GADL1: variants seen among roughly 807,000 people sequenced by gnomAD.
GADL1 encodes acidic amino acid decarboxylase GADL1.
Under a neutral mutation model 69.5 loss-of-function variants are expected in GADL1, and 71 were observed. The ratio of observed to expected loss-of-function variants is 1.02; its 90% confidence interval spans 0.84 to 1.25. The LOEUF is 1.25. Ranked by LOEUF, GADL1 falls within the 50% of genes most tolerant of loss-of-function variation. The probability of loss-of-function intolerance (pLI) is 0.00; values close to 1 mark genes in which losing one functional copy is unlikely to be tolerated. For missense variants in GADL1, 737 were observed against 631.8 expected (o/e 1.17, Z -1.79); for synonymous variants, 254 against 214.4 (o/e 1.18, Z -1.62).
intron 14 of GADL1, among the ~76,000 whole-genome samples, chr3:30,756,238 G>GT (rs1435645612): frequency 6.6e-6 from 1 of 152,046 alleles, no homozygotes; most frequent in African/African-American, 2.4e-5. Flanking sequence ...CAAGAGAAAC[G>GT]TAAGTTCTGA....
At chr3:30,751,739 T>A (rs976075587) in intron 14 of GADL1, among the ~76,000 whole-genome samples, 2 of 152,190 alleles carry the variant, frequency 1.3e-5, no homozygotes, top group Non-Finnish European at 2.9e-5. Flanking sequence ...GAAACTGAAC[T>A]AGATTTCTGC....
chr3:30,768,942 CAA>C, intron 14 of GADL1, among the ~76,000 whole-genome samples: 1 of 152,090 alleles, frequency 6.6e-6, no homozygotes, highest in East Asian at 1.9e-4. Flanking sequence ...AAAAGCACTT[CAA>C]AGAGACCATG....
intron 14 of GADL1, among the ~76,000 whole-genome samples, chr3:30,743,449 C>G (rs1695655220): frequency 6.6e-6 from 1 of 152,252 alleles, no homozygotes; most frequent in African/African-American, 2.4e-5. Context: ...CAAGCTGTCA[C>G]AGCGCCTGCT....
chr3:30,814,943 G>T (rs999156847), intron 11 of GADL1, among the ~76,000 whole-genome samples: 1 of 150,940 alleles, frequency 6.6e-6, no homozygotes, highest in Non-Finnish European at 1.5e-5. Flanking sequence ...CAGCCTGGGT[G>T]ACAGAGCCAG....
At chr3:30,781,529 G>C (rs773148484) in intron 13 of GADL1, among the ~76,000 whole-genome samples, 1 of 152,184 alleles carries the variant, frequency 6.6e-6, no homozygotes, top group Non-Finnish European at 1.5e-5. Context: ...GGAAAAGCTG[G>C]AATGGTGAAT....
intron 11 of GADL1, among the ~76,000 whole-genome samples, chr3:30,802,831 G>A (rs1697189753): frequency 6.6e-6 from 1 of 152,146 alleles, no homozygotes; most frequent in South Asian, 2.1e-4. Context: ...TGGGCACTGT[G>A]GCTCACACCT....
intron 14 of GADL1, among the ~76,000 whole-genome samples, chr3:30,732,791 C>T (rs1016037333): frequency 6.6e-6 from 1 of 152,154 alleles, no homozygotes; most frequent in Non-Finnish European, 1.5e-5. Context: ...GGCATGGTTG[C>T]TCACGCCTGT....
chr3:30,836,817 C>A (rs113898539), intron 9 of GADL1, among the ~76,000 whole-genome samples: 2 of 152,052 alleles, frequency 1.3e-5, no homozygotes, highest in African/African-American at 4.8e-5. Context: ...GCTAGACCAG[C>A]CCGACGTTTT....
intron 14 of GADL1, among the ~76,000 whole-genome samples, chr3:30,760,721 T>C (rs1696105936): frequency 6.6e-6 from 1 of 152,180 alleles, no homozygotes; most frequent in Non-Finnish European, 1.5e-5. Context: ...ATCATTCTTG[T>C]AAAGCAATGA....
intron 14 of GADL1, among the ~76,000 whole-genome samples, chr3:30,755,140 G>A (rs947660038): frequency 6.6e-6 from 1 of 152,156 alleles, no homozygotes; most frequent in Non-Finnish European, 1.5e-5. Context: ...ACTCTATAGT[G>A]AATGTCATAC....
At chr3:30,738,721 A>G (rs1481436304) in intron 14 of GADL1, among the ~76,000 whole-genome samples, 2 of 152,156 alleles carry the variant, frequency 1.3e-5, no homozygotes, top group Non-Finnish European at 2.9e-5. Flanking sequence ...CAGCAGGCAT[A>G]CGATGCTTTA....
intron 6 of GADL1, among the ~76,000 whole-genome samples, chr3:30,845,378 G>GA (rs1373856408): frequency 1.3e-5 from 2 of 151,988 alleles, no homozygotes; most frequent in Admixed American, 6.6e-5. Context: ...TTTCTTGCCA[G>GA]AAAAATGAAG....
chr3:30,817,960 T>C (rs1394693282), intron 11 of GADL1, among the ~76,000 whole-genome samples: 1 of 152,212 alleles, frequency 6.6e-6, no homozygotes, highest in Non-Finnish European at 1.5e-5. Flanking sequence ...ATACGGAAGA[T>C]ACAATTCTTG....
intron 12 of GADL1, among the ~76,000 whole-genome samples, chr3:30,796,324 C>T (rs1697031777): frequency 6.6e-6 from 1 of 152,046 alleles, no homozygotes; most frequent in African/African-American, 2.4e-5. Flanking sequence ...TGTTTTTTCA[C>T]CACTGGGTTA....
intron 1 of GADL1, among the ~76,000 whole-genome samples, 153 bp downstream of exon 1, chr3:30,894,425 G>A (rs1376373083): frequency 9.9e-5 from 15 of 152,176 alleles, no homozygotes; most frequent in Admixed American, 9.8e-4. Context: ...ACGGAAAACG[G>A]AGAAAAAATC....
In GADL1 at chr3:30,888,544, A is replaced by T. The variant is rs77643718; in HGVS notation, c.37+6034T>A. Reference sequence around the variant, plus strand: ...ATTTAGTAGGGACAGATTCTGAGACATTTTTTTCAGGATTTTTCCCATTCC... The same window carrying T: ...ATTTAGTAGGGACAGATTCTGAGACTTTTTTTTCAGGATTTTTCCCATTCC... On this transcript the variant is annotated intron_variant, in intron 1 of 14. Coordinates refer to ENST00000282538, the MANE Select transcript of GADL1 (RefSeq NM_207359.3). 0.014 allele frequency among the ~76,000 whole-genome samples: 2,092 copies of T among 152,140 alleles called. 98 individuals are homozygous for T. In the East Asian group the frequency reaches 0.16, roughly 12 times the overall value.
chr3:30,848,748 C>G (rs1360126449), intron 6 of GADL1, among the ~76,000 whole-genome samples: 2 of 152,164 alleles, frequency 1.3e-5, no homozygotes, highest in African/African-American at 4.8e-5. Context: ...CTCCTAGTAA[C>G]AATTATAGTT....
At chr3:30,749,136 G>A (rs1342991228) in intron 14 of GADL1, among the ~76,000 whole-genome samples, 4 of 152,176 alleles carry the variant, frequency 2.6e-5, no homozygotes, top group Non-Finnish European at 4.4e-5. Flanking sequence ...TTTTCTAGCG[G>A]TTGCTCTGAA....
At chr3:30,762,232 T>TA (rs1696155194) in intron 14 of GADL1, among the ~76,000 whole-genome samples, 1 of 152,042 alleles carries the variant, frequency 6.6e-6, no homozygotes, top group Non-Finnish European at 1.5e-5. Flanking sequence ...ATGCTAGGAG[T>TA]AAGTGAATTA....
Sources: allele counts gnomAD v4.1 joint callset (sites outside exome capture counted in the v4.1 genomes callset), GRCh38; gene constraint gnomAD v4.1.1; transcripts MANE v1.5; gene names NCBI Gene and HGNC (gene_info 2026-07-23, HGNC 2026-07-21).